The following LRRC69 variants were observed in gnomAD, a reference collection of about 807,000 sequenced individuals.
LRRC69 encodes leucine-rich repeat-containing protein 69.
Under a neutral mutation model 37.8 loss-of-function variants are expected in LRRC69, and 42 were observed. That is an observed-to-expected ratio of 1.11 (90% CI 0.87 to 1.44). The LOEUF is 1.44. Among genes scored for constraint, LRRC69 ranks in the 40% most tolerant of loss-of-function variants. The pLI, the probability that LRRC69 is intolerant of heterozygous loss-of-function variation, is 0.00. For missense variants in LRRC69, 357 were observed against 401.9 expected, an observed-to-expected ratio of 0.89 and a Z score of 0.96; for synonymous variants, 141 against 143.1, an observed-to-expected ratio of 0.99 and a Z score of 0.11.
chr8:91,215,546 T>C (rs183956244), intron 7 of LRRC69, among the ~76,000 whole-genome samples: 71 of 152,316 alleles, frequency 4.7e-4, no homozygotes, highest in African/African-American at 1.6e-3. Context: ...ATCATGTGTT[T>C]GTTTGCTTTA....
intron 5 of LRRC69, among the ~76,000 whole-genome samples, chr8:91,179,347 G>A (rs1809286261): frequency 6.6e-6 from 1 of 152,052 alleles, no homozygotes; most frequent in South Asian, 2.1e-4. Context: ...AGAGCAAGAG[G>A]GAAAGTGCAA....
intron 5 of LRRC69, among the ~76,000 whole-genome samples, chr8:91,182,318 C>G (rs1342592777): frequency 6.6e-6 from 1 of 152,006 alleles, no homozygotes; most frequent in African/African-American, 2.4e-5. Context: ...CATTAAAAAT[C>G]TCTTGTAAAC....
chr8:91,132,065 G>A (rs1052295598), intron 3 of LRRC69, among the ~76,000 whole-genome samples: 1 of 151,800 alleles, frequency 6.6e-6, no homozygotes, highest in Non-Finnish European at 1.5e-5. Context: ...CCCTTTGCTA[G>A]CACTGATGAC....
chr8:91,153,439 C>T lies in LRRC69; in HGVS notation c.651+17700C>T, dbSNP rs1037943951. 5.3e-5 allele frequency among the ~76,000 whole-genome samples: 8 copies of T among 150,408 alleles called. 1 individual carries two copies. Among genetic ancestry groups the T allele is most frequent in the Admixed American group, 5.3e-4 (8 of 15,056 alleles). On this transcript the variant is annotated intron_variant, in intron 5 of 7. Transcript: ENST00000448384. The stretch of plus-strand genomic sequence containing the variant: ...TTCTCAGTGCCACGTGGTACTTACT[C>T]TAAAATTGATGAAATAATTGGAAGT...
At chr8:91,215,717 T>C (rs1810033023) in intron 7 of LRRC69, among the ~76,000 whole-genome samples, 1 of 152,178 alleles carries the variant, frequency 6.6e-6, no homozygotes, top group African/African-American at 2.4e-5. Context: ...AGAAAGGATA[T>C]TTCATTGAGT....
rs575520846 is a variant in LRRC69, at chr8:91,192,798, C to T, written c.753+3175C>T. On this transcript the variant is annotated intron_variant, in intron 6 of 7. Coordinates refer to ENST00000448384, the Ensembl canonical transcript of LRRC69. The stretch of plus-strand genomic sequence containing the variant: ...AAATTTTCTCCCATTTTCTAGGTTG[C>T]CTGTTCACTCTGATAGTAGTTTCTT... Among the ~76,000 whole-genome samples, 719 of 149,972 alleles carry T rather than the reference C, an allele frequency of 4.8e-3. 3 individuals are homozygous for T. The highest frequency in any genetic ancestry group is 6.7e-3 in the Non-Finnish European group (448 of 67,124).
At chr8:91,111,533 C>CA (rs1170839582) in intron 1 of LRRC69, among the ~76,000 whole-genome samples, 2 of 151,150 alleles carry the variant, frequency 1.3e-5, no homozygotes, top group Admixed American at 6.6e-5. Context: ...GACTCCATCT[C>CA]AAAAAAAATA....
intron 5 of LRRC69, chr8:91,157,411 G>T: frequency 6.2e-7 from 1 of 1,607,894 alleles, no homozygotes; most frequent in Non-Finnish European, 8.5e-7. Context: ...TTCTGCTGTG[G>T]ATCCCACTAA....
At chr8:91,195,663 C>G (rs200693550) in intron 6 of LRRC69, among the ~76,000 whole-genome samples, 3 of 152,106 alleles carry the variant, frequency 2.0e-5, no homozygotes, top group Non-Finnish European at 4.4e-5. Flanking sequence ...ACTAGGATTG[C>G]AACCCCTGCC....
intron 1 of LRRC69, among the ~76,000 whole-genome samples, chr8:91,120,036 G>C (rs1191569258): frequency 6.6e-6 from 1 of 151,778 alleles, no homozygotes; most frequent in Non-Finnish European, 1.5e-5. Flanking sequence ...TCTTGGGGGT[G>C]GGGGGGAACT....
intron 1 of LRRC69, among the ~76,000 whole-genome samples, chr8:91,115,372 A>C (rs1195659181): frequency 1.3e-5 from 2 of 152,126 alleles, no homozygotes; most frequent in East Asian, 3.9e-4. Context: ...CTAGGAAGGA[A>C]CTGTGGCTAA....
chr8:91,167,311 A>G (rs1317264794), intron 5 of LRRC69, among the ~76,000 whole-genome samples: 8 of 151,794 alleles, frequency 5.3e-5, no homozygotes, highest in Admixed American at 5.3e-4. Context: ...CAGGGAAGGG[A>G]GAACTTGTGC....
intron 1 of LRRC69, among the ~76,000 whole-genome samples, chr8:91,112,258 C>T (rs1011942704): frequency 6.6e-6 from 1 of 151,980 alleles, no homozygotes; most frequent in Non-Finnish European, 1.5e-5. Context: ...GCTCCAGACC[C>T]AGCTCTGCGG....
chr8:91,114,595 G>C (rs1813475321), intron 1 of LRRC69, among the ~76,000 whole-genome samples: 1 of 151,894 alleles, frequency 6.6e-6, no homozygotes, highest in Non-Finnish European at 1.5e-5. Flanking sequence ...GATACTTTTT[G>C]ATACACAAAT....
intron 5 of LRRC69, among the ~76,000 whole-genome samples, chr8:91,156,814 G>A (rs549509201): frequency 1.3e-5 from 2 of 151,044 alleles, no homozygotes; most frequent in South Asian, 4.2e-4. Flanking sequence ...GGAGATATGA[G>A]TCTAGTTTCA....
chr8:91,152,142 T>G (rs1427143464), intron 5 of LRRC69, among the ~76,000 whole-genome samples: 1 of 151,748 alleles, frequency 6.6e-6, no homozygotes, highest in Non-Finnish European at 1.5e-5. Flanking sequence ...TTTAATTAGA[T>G]CCCATTTGTC....
Position 91,151,297 on chromosome 8 carries a change from G to A in LRRC69, c.651+15558G>A, listed in dbSNP as rs187483647. 5.5e-3 allele frequency among the ~76,000 whole-genome samples: 835 copies of A among 151,120 alleles called. 11 individuals carry two copies. Among genetic ancestry groups the A allele is most frequent in the African/African-American group, 0.02 (806 of 41,296 alleles). ...TCTGGTATGTTGTGTCTTTGTTCTC[G>A]GTGGTTTCAAAGAACATCTTTATTT... is the stretch of plus-strand genomic sequence containing the variant. On this transcript the variant is annotated intron_variant, in intron 5 of 7. Transcript: ENST00000448384.
intron 5 of LRRC69, among the ~76,000 whole-genome samples, chr8:91,186,454 A>G (rs945064020): frequency 1.3e-5 from 2 of 150,466 alleles, no homozygotes; most frequent in African/African-American, 4.8e-5. Flanking sequence ...GGCATGAGTC[A>G]TAACTGTGAG....
intron 5 of LRRC69, among the ~76,000 whole-genome samples, chr8:91,137,358 G>C (rs1028007815): frequency 6.6e-6 from 1 of 151,998 alleles, no homozygotes; most frequent in African/African-American, 2.4e-5. Flanking sequence ...GTATGCTTGA[G>C]CAACATAATG....
Sources: allele counts gnomAD v4.1 joint callset (sites outside exome capture counted in the v4.1 genomes callset), GRCh38; gene constraint gnomAD v4.1.1; transcripts MANE v1.5; gene names NCBI Gene and HGNC (gene_info 2026-07-23, HGNC 2026-07-21).